MACROD2: variants seen among roughly 807,000 people sequenced by gnomAD.
MACROD2 encodes the protein ADP-ribose glycohydrolase MACROD2.
MACROD2 carries 36 observed loss-of-function variants against 70.4 expected under a neutral mutation model. The observed-to-expected ratio is 0.51, with a 90% CI of 0.39 to 0.68. The LOEUF (loss-of-function observed/expected upper bound fraction) is 0.68, where lower values mean the gene tolerates loss of function less well. MACROD2 is among the 30% of genes least tolerant of loss of function. MACROD2 has a pLI of 0.00. For synonymous variants in MACROD2, 172 were observed against 178.8 expected, an observed-to-expected ratio of 0.96 and a Z score of 0.30; for missense variants, 496 against 538.4, an observed-to-expected ratio of 0.92 and a Z score of 0.78.
intron 8 of MACROD2, among the ~76,000 whole-genome samples, chr20:15,679,820 G>A (rs1157979239): frequency 1.3e-5 from 2 of 152,186 alleles, no homozygotes; most frequent in Non-Finnish European, 2.9e-5. Flanking sequence ...TGGGAGCAAA[G>A]AGCCCACCTT....
chr20:16,039,628 T>C (rs1401369570), intron 15 of MACROD2, among the ~76,000 whole-genome samples: 1 of 152,006 alleles, frequency 6.6e-6, no homozygotes, highest in African/African-American at 2.4e-5. Flanking sequence ...AAAGTTTTCC[T>C]GCTCGCAGGC....
intron 8 of MACROD2, among the ~76,000 whole-genome samples, chr20:15,759,646 T>A (rs2051405722): frequency 6.6e-6 from 1 of 152,148 alleles, no homozygotes; most frequent in Non-Finnish European, 1.5e-5. Flanking sequence ...CTACCGGGAG[T>A]TTAAAGTGCC....
chr20:15,938,394 G>A (rs1178091618), intron 12 of MACROD2, among the ~76,000 whole-genome samples: 2 of 152,114 alleles, frequency 1.3e-5, no homozygotes, highest in East Asian at 3.8e-4. Flanking sequence ...TCATGTCCCT[G>A]TGTCACACTT....
At chr20:15,010,724 A>G (rs1180446919) in intron 5 of MACROD2, among the ~76,000 whole-genome samples, 1 of 152,212 alleles carries the variant, frequency 6.6e-6, no homozygotes, top group African/African-American at 2.4e-5. Flanking sequence ...CAAAAATATA[A>G]TAATAACAAT....
intron 3 of MACROD2, among the ~76,000 whole-genome samples, chr20:14,424,592 A>G (rs1249325219): frequency 3.9e-5 from 6 of 152,316 alleles, no homozygotes; most frequent in African/African-American, 7.2e-5. Flanking sequence ...GTTAATGACA[A>G]TTTGTGTACT....
In MACROD2 at chr20:14,472,628, A is replaced by G. The variant is rs564217770; in HGVS notation, c.272-20851A>G. ...AATTTTATGGGATAAGTGTTGTACAAAAGCTTGTGTTCATACTTGGACCTT... is the reference window on the plus strand; with the variant it reads ...AATTTTATGGGATAAGTGTTGTACAGAAGCTTGTGTTCATACTTGGACCTT... On this transcript the variant is annotated intron_variant, in intron 3 of 17. Transcript: ENST00000684519. Among the ~76,000 whole-genome samples the G allele has an allele frequency of 4.6e-5, 7 of 152,320 alleles. No individual in the cohort carries two copies. In the South Asian group the frequency reaches 6.2e-4, roughly 14 times the overall value.
At chr20:15,255,847 G>A (rs2077194820) in intron 6 of MACROD2, among the ~76,000 whole-genome samples, 2 of 152,066 alleles carry the variant, frequency 1.3e-5, no homozygotes, top group South Asian at 4.1e-4. Context: ...CTATGTCTTG[G>A]TGCTTCTACA....
chr20:14,668,255 A>C (rs1423379537), intron 4 of MACROD2, among the ~76,000 whole-genome samples: 1 of 152,132 alleles, frequency 6.6e-6, no homozygotes, highest in Non-Finnish European at 1.5e-5. Flanking sequence ...AGAAAACCCC[A>C]ATGTCTTAGA....
chr20:14,478,772 C>A lies in MACROD2; in HGVS notation c.272-14707C>A, dbSNP rs571666602. ...GGTAGTAACTCTGTTAGGTTTACAT[C>A]GTAGGTCCTAGCCTACTTTAGTGGG... is the stretch of plus-strand genomic sequence containing the variant. On this transcript the variant is annotated intron_variant, in intron 3 of 17. Coordinates refer to ENST00000684519, the MANE Select transcript of MACROD2 (RefSeq NM_001351661.2). Among the ~76,000 whole-genome samples the A allele has an allele frequency of 1.8e-4, 28 of 152,228 alleles. 1 individual carries two copies. Among genetic ancestry groups the A allele is most frequent in the South Asian group, 1.5e-3 (7 of 4,818 alleles).
chr20:15,925,363 C>T (rs2065473280), intron 10 of MACROD2, among the ~76,000 whole-genome samples: 1 of 152,110 alleles, frequency 6.6e-6, no homozygotes, highest in Non-Finnish European at 1.5e-5. Context: ...TGCAACTTCC[C>T]CAGGGAAGCC....
chr20:15,610,130 A>T (rs1160442733), intron 8 of MACROD2, among the ~76,000 whole-genome samples: 1 of 152,200 alleles, frequency 6.6e-6, no homozygotes, highest in Non-Finnish European at 1.5e-5. Context: ...CCTAGCTCAT[A>T]TATCAAACAT....
chr20:14,016,350 C>T (rs981613540), intron 2 of MACROD2, among the ~76,000 whole-genome samples: 1 of 152,156 alleles, frequency 6.6e-6, no homozygotes, highest in Non-Finnish European at 1.5e-5. Context: ...TGTTTTCTCA[C>T]ACTTTGTGGG....
intron 6 of MACROD2, among the ~76,000 whole-genome samples, chr20:15,359,002 C>T (rs1159651720): frequency 6.6e-6 from 1 of 152,118 alleles, no homozygotes; most frequent in African/African-American, 2.4e-5. Context: ...TATTCCTCTT[C>T]AACGTGCTAT....
chr20:14,715,966 A>G (rs2071392685), intron 5 of MACROD2, among the ~76,000 whole-genome samples: 3 of 152,154 alleles, frequency 2.0e-5, no homozygotes. Flanking sequence ...TCATCTAAAC[A>G]CCAAAAAATC....
At chr20:14,370,306 G>A (rs1478996158) in intron 3 of MACROD2, among the ~76,000 whole-genome samples, 1 of 151,982 alleles carries the variant, frequency 6.6e-6, no homozygotes, top group African/African-American at 2.4e-5. Context: ...ATATAAAAAA[G>A]CATTTAAGTT....
intron 5 of MACROD2, among the ~76,000 whole-genome samples, chr20:14,708,323 A>T (rs779739665): frequency 3.3e-5 from 5 of 152,184 alleles, no homozygotes; most frequent in Non-Finnish European, 5.9e-5. Context: ...TTTCACTTAT[A>T]AACACTCAAC....
chr20:14,320,902 C>T (rs1236569987), intron 3 of MACROD2, among the ~76,000 whole-genome samples: 1 of 152,146 alleles, frequency 6.6e-6, no homozygotes, highest in Non-Finnish European at 1.5e-5. Context: ...TAAATTCCTT[C>T]TTACCCTTCA....
At chr20:15,568,480 T>C (rs117677875) in intron 8 of MACROD2, among the ~76,000 whole-genome samples, 2 of 152,326 alleles carry the variant, frequency 1.3e-5, no homozygotes, top group Admixed American at 6.5e-5. Flanking sequence ...CTCAGTGACC[T>C]ACACTAACAA....
chr20:14,365,225 A>G (rs908550420), intron 3 of MACROD2, among the ~76,000 whole-genome samples: 6 of 151,934 alleles, frequency 3.9e-5, no homozygotes, highest in Non-Finnish European at 8.8e-5. Context: ...GAATTTGTTC[A>G]TTTTATCTAC....
Sources: allele counts gnomAD v4.1 joint callset (sites outside exome capture counted in the v4.1 genomes callset), GRCh38; gene constraint gnomAD v4.1.1; transcripts MANE v1.5; gene names NCBI Gene and HGNC (gene_info 2026-07-23, HGNC 2026-07-21).